FAM110B: variants seen among roughly 807,000 people sequenced by gnomAD.
FAM110B encodes the protein protein FAM110B.
A neutral mutation model predicts 20.4 loss-of-function variants in FAM110B; 6 were observed. The observed-to-expected ratio is 0.29, with a 90% CI of 0.16 to 0.58. The LOEUF (loss-of-function observed/expected upper bound fraction) is 0.58. FAM110B is among the 20% of genes least tolerant of loss of function. The probability of loss-of-function intolerance (pLI) is 0.90; values close to 1 mark genes in which losing one functional copy is unlikely to be tolerated. For missense variants in FAM110B, 434 were observed against 498.2 expected, an observed-to-expected ratio of 0.87 and a Z score of 1.23; for synonymous variants, 226 against 214.1, an observed-to-expected ratio of 1.06 and a Z score of -0.49.
intron 1 of FAM110B, among the ~76,000 whole-genome samples, chr8:58,029,233 C>A (rs1357993132): frequency 1.3e-5 from 2 of 152,164 alleles, no homozygotes; most frequent in Non-Finnish European, 2.9e-5. Context: ...GTATAGAACA[C>A]CTATGTTTTG....
chr8:58,008,273 C>T (rs1158915604), intron 1 of FAM110B, among the ~76,000 whole-genome samples: 1 of 151,874 alleles, frequency 6.6e-6, no homozygotes, highest in African/African-American at 2.4e-5. Flanking sequence ...GCTGGGATTA[C>T]AGGCGCCTCC....
chr8:58,052,821 T>G (rs1012958612), intron 2 of FAM110B, among the ~76,000 whole-genome samples: 12 of 127,530 alleles, frequency 9.4e-5, no homozygotes, highest in Non-Finnish European at 1.9e-4. Context: ...AGTCTCGCTC[T>G]GTCGCCCAGG....
intron 1 of FAM110B, among the ~76,000 whole-genome samples, chr8:57,995,034 G>C (rs995688017): frequency 6.6e-6 from 1 of 152,060 alleles, no homozygotes; most frequent in African/African-American, 2.4e-5. Context: ...TGGGCTGCCG[G>C]GGGAGGCGCA....
At chr8:58,037,132 AT>A (rs11435497) in intron 2 of FAM110B, among the ~76,000 whole-genome samples, 2 of 151,456 alleles carry the variant, frequency 1.3e-5, no homozygotes, top group Non-Finnish European at 2.9e-5. Context: ...AGTATGTTAA[AT>A]TTTTTTTTAC....
chr8:58,064,950 G>A (rs915746075), intron 2 of FAM110B, among the ~76,000 whole-genome samples: 2 of 152,102 alleles, frequency 1.3e-5, no homozygotes, highest in African/African-American at 2.4e-5. Flanking sequence ...GACTCTTATC[G>A]AGACAGCTAT....
chr8:57,998,443 A>G (rs1804228538), intron 1 of FAM110B, among the ~76,000 whole-genome samples: 1 of 152,242 alleles, frequency 6.6e-6, no homozygotes, highest in Non-Finnish European at 1.5e-5. Flanking sequence ...AGTACATCAG[A>G]GGGGATTATG....
intron 3 of FAM110B, among the ~76,000 whole-genome samples, chr8:58,140,891 C>T (rs1803730980): frequency 2.6e-5 from 4 of 152,190 alleles, no homozygotes; most frequent in African/African-American, 7.2e-5. Context: ...ATCATTCATT[C>T]GATTCACATT....
intron 2 of FAM110B, among the ~76,000 whole-genome samples, chr8:58,037,675 T>C (rs543964316): frequency 1.2e-4 from 18 of 152,222 alleles, no homozygotes; most frequent in African/African-American, 3.4e-4. Flanking sequence ...GTTGCATACA[T>C]CAGTCATGAT....
intron 1 of FAM110B, among the ~76,000 whole-genome samples, chr8:58,003,401 C>T (rs1021003921): frequency 4.6e-5 from 7 of 152,288 alleles, no homozygotes; most frequent in South Asian, 2.1e-4. Flanking sequence ...GAATCATGAC[C>T]GTTCTTAATG....
intron 2 of FAM110B, among the ~76,000 whole-genome samples, chr8:58,037,877 A>G (rs1248196076): frequency 1.3e-5 from 2 of 151,738 alleles, no homozygotes; most frequent in African/African-American, 2.4e-5. Context: ...GACTATCTTG[A>G]TTTTCGCTTT....
intron 1 of FAM110B, chr8:58,031,293 T>C (rs1408300675): frequency 6.6e-6 from 1 of 152,320 alleles, no homozygotes; most frequent in East Asian, 1.9e-4. Context: ...AGGAGTGACA[T>C]GTCCTTTCTG....
At chr8:58,118,357 G>A (rs1424309884) in intron 3 of FAM110B, among the ~76,000 whole-genome samples, 2 of 152,302 alleles carry the variant, frequency 1.3e-5, no homozygotes, top group East Asian at 1.9e-4. Flanking sequence ...TACTAACCAT[G>A]AGAATGGAAA....
Position 58,125,200 on chromosome 8 carries a change from T to C in FAM110B, c.-324-20707T>C, listed in dbSNP as rs535560629. Among the ~76,000 whole-genome samples the C allele has an allele frequency of 3.3e-5, 5 of 152,182 alleles. 1 individual carries two copies. The South Asian group carries it at 1.0e-3, about 32-fold the overall frequency. ...CCTTCTCCACAAAAAATATAAAAAT[T>C]AGCTGGGCGTGGTGGCGCATGCCTG... is the stretch of plus-strand genomic sequence containing the variant. On this transcript the variant is annotated intron_variant, in intron 3 of 3. Transcript: ENST00000519262.
At chr8:58,063,129 A>G (rs758405167) in intron 2 of FAM110B, among the ~76,000 whole-genome samples, 50 of 152,230 alleles carry the variant, frequency 3.3e-4, no homozygotes, top group Admixed American at 3.3e-4. Flanking sequence ...GGCAGGCAGT[A>G]GGCCAGATCA....
chr8:58,071,529 T>C (rs187698461), intron 2 of FAM110B, among the ~76,000 whole-genome samples: 2,677 of 152,332 alleles, frequency 0.018, 48 homozygotes, highest in Admixed American at 0.057. Context: ...ATACCTGCTC[T>C]GATCTAGAAC....
chr8:58,146,558 G>A lies in FAM110B; in HGVS notation c.328G>A (p.Gly110Ser), dbSNP rs773498874. 26 of 1,613,908 alleles carry A rather than the reference G, an allele frequency of 1.6e-5. No homozygotes were observed. The highest frequency in any genetic ancestry group is 1.9e-5 in the Non-Finnish European group (22 of 1,179,944). The change falls in exon 4 of 4, where the codon GGC becomes AGC. Residue 110 changes from glycine (G) to serine (S), a missense_variant. Gly to Ser is a moderately conservative substitution (Grantham distance 56). Around this residue, in one of 3 missense-constraint regions of FAM110B, gnomAD observed 284 missense variants for 278.3 expected, o/e 1.02. Coordinates refer to ENST00000519262, the MANE Select transcript of FAM110B (RefSeq NM_001377989.1). ...VFGNHAKTES[G>S]VQRENLKLEI... ...CGGCAACCACGCCAAGACCGAGAGC[G>A]GCGTGCAGAGGGAGAACCTGAAGCT...
intron 1 of FAM110B, among the ~76,000 whole-genome samples, chr8:57,999,434 C>G (rs1021398102): frequency 2.6e-5 from 4 of 152,004 alleles, no homozygotes; most frequent in Non-Finnish European, 5.9e-5. Context: ...CCTCACAGCC[C>G]CATTAGAAGT....
At chr8:58,045,125 T>G (rs1805293907) in intron 2 of FAM110B, among the ~76,000 whole-genome samples, 1 of 139,988 alleles carries the variant, frequency 7.1e-6, no homozygotes, top group South Asian at 2.3e-4. Flanking sequence ...TTATGATGGT[T>G]ATTGACACCT....
chr8:58,024,082 A>G (rs1403611013), intron 1 of FAM110B, among the ~76,000 whole-genome samples: 1 of 151,642 alleles, frequency 6.6e-6, no homozygotes, highest in Non-Finnish European at 1.5e-5. Context: ...TTGACCATAT[A>G]TGGATTTGCT....
Sources: allele counts gnomAD v4.1 joint callset (sites outside exome capture counted in the v4.1 genomes callset), GRCh38; gene constraint gnomAD v4.1.1; regional missense constraint gnomAD v4.1.1; transcripts MANE v1.5; gene names NCBI Gene and HGNC (gene_info 2026-07-23, HGNC 2026-07-21).